KIAA1328: variants seen among roughly 807,000 people sequenced by gnomAD.
KIAA1328 encodes protein hinderin.
A neutral mutation model predicts 68.1 loss-of-function variants in KIAA1328; 52 were observed. The ratio of observed to expected loss-of-function variants is 0.76; its 90% CI spans 0.61 to 0.96. The LOEUF is 0.96. Among genes scored for constraint, KIAA1328 ranks in the 40% least tolerant of loss-of-function variants. The probability of loss-of-function intolerance (pLI) is 0.00; values close to 1 mark genes in which losing one functional copy is unlikely to be tolerated. For missense variants in KIAA1328, 641 were observed against 677.6 expected (o/e 0.95, Z 0.60); for synonymous variants, 232 against 239.4 (o/e 0.97, Z 0.28).
chr18:37,099,690 T>G (rs950885607), intron 7 of KIAA1328, among the ~76,000 whole-genome samples: 12 of 152,112 alleles, frequency 7.9e-5, no homozygotes, highest in African/African-American at 2.7e-4. Flanking sequence ...AAGTCTCCCA[T>G]TATTATTGTG....
intron 7 of KIAA1328, among the ~76,000 whole-genome samples, chr18:37,117,739 G>A (rs112659466): frequency 1.3e-3 from 196 of 152,112 alleles, no homozygotes; most frequent in African/African-American, 4.5e-3. Context: ...AGAAAAGGAC[G>A]CAAAGTCCTT....
chr18:36,885,251 A>G (rs2048458868), intron 4 of KIAA1328, among the ~76,000 whole-genome samples: 1 of 152,182 alleles, frequency 6.6e-6, no homozygotes, highest in Admixed American at 6.5e-5. Flanking sequence ...TAAAAATCGG[A>G]ATATATTTCT....
intron 5 of KIAA1328, among the ~76,000 whole-genome samples, chr18:36,914,196 G>A (rs1298103838): frequency 1.3e-5 from 2 of 152,160 alleles, no homozygotes; most frequent in Admixed American, 1.3e-4. Flanking sequence ...GTGAAGAAAT[G>A]CAAGAAACAA....
chr18:36,942,295 C>T (rs778862751), intron 5 of KIAA1328, among the ~76,000 whole-genome samples: 2 of 152,314 alleles, frequency 1.3e-5, no homozygotes, highest in South Asian at 4.1e-4. Flanking sequence ...GTGATATTCA[C>T]GTTATGCTCA....
At chr18:36,831,948 C>T (rs566084525) in intron 1 of KIAA1328, among the ~76,000 whole-genome samples, 2 of 152,096 alleles carry the variant, frequency 1.3e-5, no homozygotes, top group Middle Eastern at 3.4e-3. Flanking sequence ...AGAAATAGCA[C>T]ACAAAAAAAT....
intron 5 of KIAA1328, among the ~76,000 whole-genome samples, chr18:36,918,508 G>A (rs143697517): frequency 6.6e-6 from 1 of 150,648 alleles, no homozygotes; most frequent in African/African-American, 2.4e-5. Context: ...CGCCTCTTGG[G>A]TTCAAGCAGT....
chr18:37,110,105 A>G (rs1459970711), intron 7 of KIAA1328, among the ~76,000 whole-genome samples: 1 of 152,064 alleles, frequency 6.6e-6, no homozygotes, highest in Non-Finnish European at 1.5e-5. Context: ...GCTCCAATAA[A>G]TGGAGATTAG....
At chr18:36,863,207 T>C (rs1362920736) in intron 4 of KIAA1328, among the ~76,000 whole-genome samples, 1 of 152,092 alleles carries the variant, frequency 6.6e-6, no homozygotes, top group East Asian at 1.9e-4. Flanking sequence ...TTTAAGCCCA[T>C]GATCCATTTT....
intron 7 of KIAA1328, among the ~76,000 whole-genome samples, chr18:37,126,230 G>A (rs974232806): frequency 3.3e-5 from 5 of 152,140 alleles, no homozygotes; most frequent in Admixed American, 6.6e-5. Flanking sequence ...TATCTCATAT[G>A]TATGCAAATA....
At chr18:36,884,580 C>T (rs1363202690) in intron 4 of KIAA1328, among the ~76,000 whole-genome samples, 4 of 152,144 alleles carry the variant, frequency 2.6e-5, no homozygotes, top group Non-Finnish European at 2.9e-5. Context: ...ATTCATGTTA[C>T]GCAGAAATTG....
At chr18:37,183,560 C>T (rs745840036) in intron 9 of KIAA1328, among the ~76,000 whole-genome samples, 9 of 152,176 alleles carry the variant, frequency 5.9e-5, no homozygotes, top group Non-Finnish European at 1.0e-4. Flanking sequence ...TACCCAAGCC[C>T]AGGGCCTCTT....
chr18:37,076,967 C>T (rs1444822676), intron 7 of KIAA1328, among the ~76,000 whole-genome samples: 3 of 152,248 alleles, frequency 2.0e-5, no homozygotes, highest in Middle Eastern at 3.4e-3. Flanking sequence ...AGAAGGAATC[C>T]TCCCTAACTC....
intron 4 of KIAA1328, among the ~76,000 whole-genome samples, chr18:36,870,759 T>C (rs2047916764): frequency 6.6e-6 from 1 of 152,236 alleles, no homozygotes; most frequent in South Asian, 2.1e-4. Flanking sequence ...TTTCATTCAA[T>C]AGTCAATTCA....
At position 37,223,043 on chromosome 18, in the gene KIAA1328, A is replaced by T; in HGVS notation, c.*816A>T. On this transcript the variant is annotated 3_prime_UTR_variant, in exon 10 of 10. Transcript: ENST00000280020. ...TTTTATTTACCCAAGTGTTCAGCTT[A>T]TTCACCCCACCCCCCCACCCCCCAT... 1.1e-6 allele frequency: 1 copy of T among 927,706 alleles called. No homozygotes were observed. Among genetic ancestry groups the T allele is most frequent in the Non-Finnish European group, 1.3e-6 (1 of 782,174 alleles). The allele number at this position is 927,706 out of a possible 1,614,324, so 57.5% of individuals were successfully genotyped here. A position where few individuals can be genotyped will look rare whatever the true frequency, so the allele number is the denominator to read the frequency against.
intron 6 of KIAA1328, among the ~76,000 whole-genome samples, chr18:37,035,923 C>A (rs983530128): frequency 1.3e-5 from 2 of 152,136 alleles, no homozygotes; most frequent in African/African-American, 4.8e-5. Flanking sequence ...TTCTTCTACT[C>A]CTCTCTGTTC....
intron 5 of KIAA1328, among the ~76,000 whole-genome samples, chr18:36,933,683 A>C (rs534035501): frequency 6.6e-6 from 1 of 152,324 alleles, no homozygotes; most frequent in South Asian, 2.1e-4. Context: ...GTTCTAGGGG[A>C]TCCAGGGTGC....
chr18:37,035,569 A>G (rs1463037699), intron 6 of KIAA1328, among the ~76,000 whole-genome samples: 1 of 152,222 alleles, frequency 6.6e-6, no homozygotes, highest in Non-Finnish European at 1.5e-5. Context: ...ATCAAAAGAA[A>G]TGACCAGTGT....
chr18:37,006,692 C>T lies in KIAA1328; in HGVS notation c.576+47257C>T, dbSNP rs1055335774. Among the ~76,000 whole-genome samples the T allele has an allele frequency of 5.9e-5, 9 of 151,992 alleles. No individual in the cohort carries two copies. In the South Asian group the frequency reaches 8.3e-4, roughly 14 times the overall value. On this transcript the variant is annotated intron_variant, in intron 6 of 9. Transcript: ENST00000280020. The stretch of plus-strand genomic sequence containing the variant: ...GCTCCCCCAACCCCATGACAGGCCC[C>T]GGTGTGTGATGTTCCCCTTCTATCA...
At position 37,067,298 on chromosome 18, in the gene KIAA1328, A is replaced by C; in HGVS notation, c.985A>C (p.Lys329Gln). The C allele has an allele frequency of 1.2e-6, 2 of 1,613,976 alleles. No homozygotes were observed. The highest frequency in any genetic ancestry group is 1.7e-6 in the Non-Finnish European group (2 of 1,179,880). Residue 329 changes from lysine (K) to glutamine (Q), a missense_variant, in exon 7 of 10, where the codon AAG becomes CAG. Lys to Gln is a moderately conservative substitution (Grantham distance 53). Transcript: ENST00000280020. ...TACAAACATGACCCCTCAACATCCT[A>C]AGACACATCCAGAATCATGCAGTTA... ...HPTNMTPQHP[K>Q]THPESCSYCR...
Sources: allele counts gnomAD v4.1 joint callset (sites outside exome capture counted in the v4.1 genomes callset), GRCh38; gene constraint gnomAD v4.1.1; transcripts MANE v1.5; gene names NCBI Gene and HGNC (gene_info 2026-07-23, HGNC 2026-07-21).